PRKAR1A: variants seen among roughly 807,000 people sequenced by gnomAD.
The protein encoded by PRKAR1A is protein kinase cAMP-dependent type I regulatory subunit alpha, also known as cAMP-dependent protein kinase type I-alpha regulatory subunit.
A neutral mutation model predicts 52.0 loss-of-function variants in PRKAR1A; 3 were observed. The ratio of observed to expected loss-of-function variants is 0.06; its 90% CI spans 0.03 to 0.15. PRKAR1A has a LOEUF of 0.15. PRKAR1A is among the 10% of genes least tolerant of loss of function. The pLI, the probability that PRKAR1A is intolerant of heterozygous loss-of-function variation, is 1.00. For missense variants in PRKAR1A, 240 were observed against 477.4 expected (o/e 0.50, Z 4.63); for synonymous variants, 188 against 168.4 (o/e 1.12, Z -0.90).
chr17:68,518,476 C>G (rs971294229), intron 2 of PRKAR1A, among the ~76,000 whole-genome samples: 7 of 152,236 alleles, frequency 4.6e-5, no homozygotes, highest in Admixed American at 6.5e-5. Context: ...TTGTAAGCCA[C>G]CAGGGCTTGG....
chr17:68,522,789 G>A lies in PRKAR1A; in HGVS notation c.211G>A (p.Ala71Thr). 6.2e-7 allele frequency: 1 copy of A among 1,614,152 alleles called. No individual in the cohort carries two copies. The highest frequency in any genetic ancestry group is 8.5e-7 in the Non-Finnish European group (1 of 1,179,996). Residue 71 changes from alanine (A) to threonine (T), a missense_variant, in exon 3 of 11, where the codon GCA becomes ACA. Physicochemically the swap from Ala to Thr is moderately conservative, Grantham distance 58 (BLOSUM62 0). Around this residue, in one of 4 missense-constraint regions of PRKAR1A, gnomAD observed 107 missense variants for 114.6 expected, o/e 0.93. Transcript: ENST00000589228. The stretch of plus-strand genomic sequence containing the variant: ...AAAACAGATTCAGAATCTGCAGAAA[G>A]CAGGCACTCGTACAGACTCAAGGGA... ...EAKQIQNLQK[A>T]GTRTDSREDE...
At chr17:68,434,447 G>T in the PRKAR1A span, 1 of 1,078,504 alleles carries the variant, frequency 9.3e-7, no homozygotes, top group Non-Finnish European at 1.3e-6. Context: ...CTTCCTCCAG[G>T]TGAGTGGAGG....
At chr17:68,457,344 G>C in the PRKAR1A span, 1 of 1,546,564 alleles carries the variant, frequency 6.5e-7, no homozygotes, top group Non-Finnish European at 8.7e-7. Flanking sequence ...CAGCTTACGT[G>C]CAGTCCTGGT....
chr17:68,469,198 ACTGT>A, the PRKAR1A span, among the ~76,000 whole-genome samples: 28,186 of 151,778 alleles, frequency 0.19, 2,832 homozygotes, highest in South Asian at 0.22. Flanking sequence ...CATTTTAGGC[ACTGT>A]CTATTTTCAA....
At chr17:68,461,125 G>A in the PRKAR1A span, among the ~76,000 whole-genome samples, 1 of 127,356 alleles carries the variant, frequency 7.9e-6, no homozygotes, top group African/African-American at 3.0e-5. This position sits in a 1 kb window ranked among gnomAD's most constrained non-coding sequence, Gnocchi z 4.6. Flanking sequence ...TTGTTCCAGT[G>A]GGAATAAGAT....
the PRKAR1A span, among the ~76,000 whole-genome samples, chr17:68,429,127 T>G: frequency 6.6e-6 from 1 of 152,230 alleles, no homozygotes; most frequent in South Asian, 2.1e-4. Context: ...TCAGGATTAT[T>G]TCTTGTCTTT....
At chr17:68,426,138 A>T in the PRKAR1A span, 3 of 1,611,624 alleles carry the variant, frequency 1.9e-6, no homozygotes, top group South Asian at 3.3e-5. Flanking sequence ...GTTCAGGAAT[A>T]ACTTCTCCTC....
the PRKAR1A span, among the ~76,000 whole-genome samples, chr17:68,493,219 C>T: frequency 6.4e-4 from 97 of 152,140 alleles, no homozygotes; most frequent in African/African-American, 2.0e-3. Context: ...TTGATCTGTT[C>T]AGCAAACCAC....
the PRKAR1A span, among the ~76,000 whole-genome samples, chr17:68,481,062 A>G: frequency 2.0e-5 from 3 of 152,212 alleles, no homozygotes; most frequent in Non-Finnish European, 2.9e-5. Flanking sequence ...TTATAGCAAC[A>G]GCTCACCCTC....
upstream of PRKAR1A, among the ~76,000 whole-genome samples, chr17:68,509,908 A>T (rs530849250): frequency 2.6e-5 from 4 of 152,288 alleles, no homozygotes; most frequent in African/African-American, 9.6e-5. Flanking sequence ...GAATGGGGAC[A>T]CACAGCCAGG....
chr17:68,453,140 T>C, the PRKAR1A span: 7 of 577,352 alleles, frequency 1.2e-5, no homozygotes, highest in African/African-American at 1.3e-4. Flanking sequence ...TCCTAAATGG[T>C]GACGCATGTC....
At chr17:68,443,362 CT>C in the PRKAR1A span, among the ~76,000 whole-genome samples, 7 of 152,198 alleles carry the variant, frequency 4.6e-5, no homozygotes, top group African/African-American at 1.7e-4. Context: ...ATCCACCCGC[CT>C]CGGCCTCCCA....
chr17:68,548,882 A>G (rs1046070798), intron 11 of PRKAR1A, among the ~76,000 whole-genome samples: 12 of 151,338 alleles, frequency 7.9e-5, no homozygotes, highest in Non-Finnish European at 1.3e-4. Flanking sequence ...ACCGGCACCC[A>G]CCACCACGCC....
At chr17:68,459,545 G>C in the PRKAR1A span, among the ~76,000 whole-genome samples, 1 of 152,178 alleles carries the variant, frequency 6.6e-6, no homozygotes, top group South Asian at 2.1e-4. Context: ...GAAGTCTTTA[G>C]GGGACTAATG....
upstream of PRKAR1A, among the ~76,000 whole-genome samples, chr17:68,509,826 G>A (rs1438134086): frequency 1.3e-5 from 2 of 152,146 alleles, no homozygotes; most frequent in Non-Finnish European, 2.9e-5. Context: ...TGAGGATTTG[G>A]CACCTAGAAC....
chr17:68,484,458 CTT>C, the PRKAR1A span, among the ~76,000 whole-genome samples: 7 of 135,494 alleles, frequency 5.2e-5, no homozygotes, highest in East Asian at 2.1e-4. Context: ...ATCGTGGTAT[CTT>C]TTTTTTTTTT....
chr17:68,516,728 T>TAA lies in PRKAR1A; in HGVS notation c.177+1161_177+1162dup, dbSNP rs11379909. ...TATTTAGTACCATGATCAGAATAATTAAAAAAAAAACAAAAACAACTAGTC... is the reference window on the plus strand; with the variant it reads ...TATTTAGTACCATGATCAGAATAATTAAAAAAAAAAAACAAAAACAACTAGTC... On this transcript the variant is annotated intron_variant, in intron 2 of 10. Transcript: ENST00000589228. Among the ~76,000 whole-genome samples the TAA allele has an allele frequency of 2.0e-4, 30 of 149,200 alleles. No individual in the cohort carries two copies. In the East Asian group the frequency reaches 2.7e-3, roughly 14 times the overall value.
intron 11 of PRKAR1A, among the ~76,000 whole-genome samples, chr17:68,548,725 AT>A (rs753348891): frequency 0.052 from 4,089 of 79,122 alleles, 76 homozygotes; most frequent in Admixed American, 0.12. Flanking sequence ...ATGCCTGTAT[AT>A]TTTTTTTTTT....
At chr17:68,486,405 TTTCTTTCTTTC>T in the PRKAR1A span, among the ~76,000 whole-genome samples, 1 of 122,242 alleles carries the variant, frequency 8.2e-6, no homozygotes, top group African/African-American at 3.2e-5. Flanking sequence ...TCTTTCTTTC[TTTCTTTCTTTC>T]CTTCCTTCTT....
Sources: gnomAD v4.1 joint callset for allele counts (sites outside exome capture counted in the v4.1 genomes callset) on GRCh38, gnomAD v4.1.1 for gene constraint, gnomAD v4.1.1 regional missense constraint, Gnocchi (gnomAD v3.1) non-coding constraint, MANE v1.5 for transcripts, NCBI Gene and HGNC (gene_info 2026-07-23, HGNC 2026-07-21) for gene names.